AUTS2: variants seen among roughly 807,000 people sequenced by gnomAD.
AUTS2 encodes the protein activator of transcription and developmental regulator AUTS2.
In AUTS2, 17 loss-of-function variants were observed where a neutral mutation model predicts 112.4. The observed-to-expected ratio is 0.15, with a 90% CI of 0.10 to 0.23. The LOEUF (loss-of-function observed/expected upper bound fraction) is 0.23, where lower values mean the gene tolerates loss of function less well. Among genes scored for constraint, AUTS2 ranks in the 10% least tolerant of loss-of-function variants. The pLI is 1.00. For missense variants in AUTS2, 1,510 were observed against 1,701.6 expected, an observed-to-expected ratio of 0.89 and a Z score of 1.98; for synonymous variants, 751 against 702.7, an observed-to-expected ratio of 1.07 and a Z score of -1.09.
chr7:70,005,032 C>A (rs1219488893), intron 2 of AUTS2, among the ~76,000 whole-genome samples: 4 of 151,994 alleles, frequency 2.6e-5, no homozygotes. Context: ...ACCATGTTGG[C>A]CAGGCTGGTC....
intron 2 of AUTS2, among the ~76,000 whole-genome samples, chr7:70,096,665 A>C (rs1804223439): frequency 6.6e-6 from 1 of 151,728 alleles, no homozygotes; most frequent in Non-Finnish European, 1.5e-5. Context: ...TACTCATTTG[A>C]GTTTGTATAA....
At chr7:69,685,964 A>C (rs1797047680) in intron 1 of AUTS2, among the ~76,000 whole-genome samples, 1 of 152,150 alleles carries the variant, frequency 6.6e-6, no homozygotes, top group African/African-American at 2.4e-5. Flanking sequence ...TGAAAACATG[A>C]AGGCCGTGTG....
chr7:70,240,301 C>T (rs537777510), intron 4 of AUTS2, among the ~76,000 whole-genome samples: 51 of 152,260 alleles, frequency 3.3e-4, no homozygotes, highest in Non-Finnish European at 6.3e-4. Context: ...TGTGAATATT[C>T]CCTGAACCAC....
rs200355149 is a variant in AUTS2, at chr7:70,790,854, C to T, written c.3638C>T (p.Pro1213Leu). Residue 1213 changes from proline to leucine, a missense_variant, in exon 19 of 19, where the codon CCG becomes CTG. Around this residue, in one of 3 missense-constraint regions of AUTS2, gnomAD observed 788 missense variants for 797.6 expected, o/e 0.99. Transcript: ENST00000342771. This position sits in a 1 kb window ranked among gnomAD's most constrained non-coding sequence, Gnocchi z 7.6. Reference protein sequence around the residue: ...NQNGLLNKTPPTAALSAPPPL... With the variant: ...NQNGLLNKTPLTAALSAPPPL... The stretch of plus-strand genomic sequence containing the variant: ...AACGGACTCCTCAACAAGACCCCTC[C>T]GACAGCAGCGCTGAGCGCACCTCCC... 6.8e-6 allele frequency: 11 copies of T among 1,606,816 alleles called. No individual in the cohort carries two copies. Among genetic ancestry groups the T allele is most frequent in the Admixed American group, 3.4e-5 (2 of 59,520 alleles).
At chr7:70,425,205 G>A (rs1227805426) in intron 4 of AUTS2, among the ~76,000 whole-genome samples, 1 of 152,160 alleles carries the variant, frequency 6.6e-6, no homozygotes, top group African/African-American at 2.4e-5. Flanking sequence ...ATTACCTGGG[G>A]AAAAAGAACT....
chr7:69,832,135 C>G (rs1430350899), intron 1 of AUTS2, among the ~76,000 whole-genome samples: 1 of 152,170 alleles, frequency 6.6e-6, no homozygotes, highest in African/African-American at 2.4e-5. Context: ...ACCGACAACC[C>G]CCTACCCTGC....
In AUTS2 at chr7:69,599,113, G is replaced by A. The variant is rs1792216238; in HGVS notation, c.-541G>A. On this transcript the variant is annotated 5_prime_UTR_variant, in exon 1 of 19. Coordinates refer to ENST00000342771, the MANE Select transcript of AUTS2 (RefSeq NM_015570.4). The surrounding 1 kb of genome is among the most constrained non-coding windows in gnomAD (Gnocchi z 7.0). ...GCGGGGGTGTTTTCCTGCGCGAGGG[G>A]CGGGTGAAGTTCATTGCCCCCACTT... The A allele has an allele frequency of 6.6e-6, 1 of 151,666 alleles. No individual in the cohort carries two copies. Among genetic ancestry groups the A allele is most frequent in the East Asian group, 2.0e-4 (1 of 5,098 alleles). The allele number at this position is 151,666 out of a possible 1,614,324, so 9.4% of individuals were successfully genotyped here.
chr7:69,999,768 C>T (rs959869191), intron 2 of AUTS2, among the ~76,000 whole-genome samples: 3 of 151,548 alleles, frequency 2.0e-5, no homozygotes, highest in Admixed American at 6.6e-5. Flanking sequence ...ACACAAAGAA[C>T]GAAAAAAAGA....
At chr7:70,181,622 G>A (rs1809308825) in intron 4 of AUTS2, among the ~76,000 whole-genome samples, 1 of 151,604 alleles carries the variant, frequency 6.6e-6, no homozygotes, top group Non-Finnish European at 1.5e-5. Context: ...GAGTAGCTGA[G>A]ATTGCAGGCA....
chr7:69,812,501 A>G (rs1201170688), intron 1 of AUTS2, among the ~76,000 whole-genome samples: 2 of 152,230 alleles, frequency 1.3e-5, no homozygotes, highest in African/African-American at 2.4e-5. Context: ...AATGTCACCC[A>G]GAAGGTGATG....
chr7:69,960,903 C>T lies in AUTS2; in HGVS notation c.522+61405C>T, dbSNP rs560840208. Among the ~76,000 whole-genome samples, 4 of 152,074 alleles carry T rather than the reference C, an allele frequency of 2.6e-5. No individual in the cohort carries two copies. In the South Asian group the frequency reaches 6.2e-4, roughly 24 times the overall value. On this transcript the variant is annotated intron_variant, in intron 2 of 18. Transcript: ENST00000342771. Reference sequence around the variant, plus strand: ...TCTGTGTGTGGTATATTGATTTGCACTTTTGGGATTTGTTGTTTTATAAGA... The same window carrying T: ...TCTGTGTGTGGTATATTGATTTGCATTTTTGGGATTTGTTGTTTTATAAGA...
chr7:69,738,539 A>G (rs1787132909), intron 1 of AUTS2, among the ~76,000 whole-genome samples: 1 of 152,112 alleles, frequency 6.6e-6, no homozygotes, highest in African/African-American at 2.4e-5. Flanking sequence ...TCTCAGGGTA[A>G]ACATTTAAGC....
At chr7:70,713,846 A>C (rs1172988628) in intron 6 of AUTS2, among the ~76,000 whole-genome samples, 1 of 151,702 alleles carries the variant, frequency 6.6e-6, no homozygotes, top group East Asian at 1.9e-4. Context: ...CAGTGAGCGG[A>C]GATCGCGCCA....
intron 5 of AUTS2, among the ~76,000 whole-genome samples, chr7:70,555,020 G>T (rs1458077866): frequency 6.6e-6 from 1 of 152,218 alleles, no homozygotes; most frequent in Non-Finnish European, 1.5e-5. Flanking sequence ...CCAGGTAATA[G>T]AGCTGGACAC....
Position 70,419,506 on chromosome 7 carries a change from C to T in AUTS2, c.661-16246C>T, listed in dbSNP as rs543044773. On this transcript the variant is annotated intron_variant, in intron 4 of 18. Coordinates refer to ENST00000342771, the MANE Select transcript of AUTS2 (RefSeq NM_015570.4). The stretch of plus-strand genomic sequence containing the variant: ...ATGAAGAGTCTATCTTAGCAGATTT[C>T]GTGGCCCTTGCTATGTGCTGACAGT... 1.2e-4 allele frequency among the ~76,000 whole-genome samples: 18 copies of T among 152,222 alleles called. No homozygotes were observed. In the East Asian group the frequency reaches 3.3e-3, roughly 28 times the overall value.
At chr7:70,311,722 A>T (rs898288078) in intron 4 of AUTS2, among the ~76,000 whole-genome samples, 11 of 151,380 alleles carry the variant, frequency 7.3e-5, no homozygotes, top group Admixed American at 5.3e-4. Context: ...ACACTTAGCG[A>T]ATTTTTTTTT....
At chr7:69,643,231 T>G (rs927323108) in intron 1 of AUTS2, 2 of 152,228 alleles carry the variant, frequency 1.3e-5, no homozygotes, top group Non-Finnish European at 2.9e-5. Context: ...CTGCAGTCTT[T>G]TGGAATGTAA....
At chr7:70,600,402 A>C (rs753697376) in intron 5 of AUTS2, among the ~76,000 whole-genome samples, 36 of 152,142 alleles carry the variant, frequency 2.4e-4, no homozygotes, top group Non-Finnish European at 4.6e-4. Flanking sequence ...CAGCCTCCCG[A>C]GTAGCTGGGA....
chr7:70,167,851 C>T (rs867492182), intron 4 of AUTS2, among the ~76,000 whole-genome samples: 1 of 152,182 alleles, frequency 6.6e-6, no homozygotes, highest in African/African-American at 2.4e-5. Flanking sequence ...TTGATTTTTA[C>T]AGTTTACATG....
Sources: gnomAD v4.1 joint callset for allele counts (sites outside exome capture counted in the v4.1 genomes callset) on GRCh38, gnomAD v4.1.1 for gene constraint, gnomAD v4.1.1 regional missense constraint, Gnocchi (gnomAD v3.1) non-coding constraint, MANE v1.5 for transcripts, NCBI Gene and HGNC (gene_info 2026-07-23, HGNC 2026-07-21) for gene names.